TTC28: variants seen among roughly 807,000 people sequenced by gnomAD.
TTC28 encodes the protein tetratricopeptide repeat protein 28.
TTC28 carries 61 observed loss-of-function variants against 198.0 expected under a neutral mutation model. The ratio of observed to expected loss-of-function variants is 0.31; its 90% CI spans 0.25 to 0.38. TTC28 has a LOEUF of 0.38. Among genes scored for constraint, TTC28 ranks in the 10% least tolerant of loss-of-function variants. The pLI is 1.00. For synonymous variants in TTC28, 1,171 were observed against 1,297.8 expected (o/e 0.90, Z 2.10); for missense variants, 2,678 against 3,164.0 (o/e 0.85, Z 3.69).
chr22:28,396,675 C>T (rs954503663), intron 2 of TTC28, among the ~76,000 whole-genome samples: 1 of 152,156 alleles, frequency 6.6e-6, no homozygotes, highest in Admixed American at 6.5e-5. Flanking sequence ...CAAGTAAATG[C>T]TGTTTTCTTC....
At chr22:28,280,804 C>T (rs1255872031) in intron 5 of TTC28, among the ~76,000 whole-genome samples, 2 of 151,958 alleles carry the variant, frequency 1.3e-5, no homozygotes, top group Non-Finnish European at 2.9e-5. Flanking sequence ...CTTGGTTTTC[C>T]CTTATTTTTA....
intron 2 of TTC28, among the ~76,000 whole-genome samples, chr22:28,481,865 T>C (rs1378082818): frequency 2.6e-5 from 4 of 152,150 alleles, no homozygotes; most frequent in African/African-American, 4.8e-5. Flanking sequence ...TCAGCTGTGA[T>C]GTAGGATCCA....
chr22:28,306,672 A>G, intron 2 of TTC28, 29 bp from the exon 3 acceptor site: 1 of 1,549,774 alleles, frequency 6.5e-7, no homozygotes, highest in East Asian at 2.4e-5. Flanking sequence ...TAAGATATAT[A>G]ATGCCTGTGC....
intron 5 of TTC28, among the ~76,000 whole-genome samples, chr22:28,257,922 C>T (rs1384460313): frequency 1.3e-5 from 2 of 151,664 alleles, no homozygotes; most frequent in Non-Finnish European, 2.9e-5. Flanking sequence ...TGATTTTTAT[C>T]ACCACTGTCC....
At chr22:28,338,865 C>T (rs1426639271) in intron 2 of TTC28, among the ~76,000 whole-genome samples, 1 of 152,210 alleles carries the variant, frequency 6.6e-6, no homozygotes, top group African/African-American at 2.4e-5. Context: ...AAGCCTTCTT[C>T]TCTCAACTTG....
intron 5 of TTC28, among the ~76,000 whole-genome samples, chr22:28,266,591 ATC>A (rs1931698895): frequency 2.0e-5 from 3 of 152,136 alleles, no homozygotes; most frequent in Admixed American, 2.0e-4. Flanking sequence ...GACCAAGGTG[ATC>A]TGTTTCAGGA....
intron 5 of TTC28, among the ~76,000 whole-genome samples, chr22:28,201,192 C>A (rs938196668): frequency 1.3e-5 from 2 of 152,126 alleles, no homozygotes; most frequent in Admixed American, 1.3e-4. Context: ...TTCATTCATT[C>A]ATTCATTCAT....
intron 12 of TTC28, among the ~76,000 whole-genome samples, chr22:28,061,359 C>T (rs557971998): frequency 3.1e-3 from 477 of 152,180 alleles, no homozygotes; most frequent in Non-Finnish European, 5.1e-3. Context: ...AGGTCTAACA[C>T]TTAAGTCTTT....
Position 28,678,274 on chromosome 22 carries a change from G to T in TTC28, c.102+1348C>A, listed in dbSNP as rs1402500707. Among the ~76,000 whole-genome samples, 4 of 152,164 alleles carry T rather than the reference G, an allele frequency of 2.6e-5. No individual in the cohort carries two copies. The South Asian group carries it at 6.2e-4, about 24-fold the overall frequency. Reference sequence around the variant, plus strand: ...GTGTTATCCAGGCTGGAATGCAGTGGCACAACCTTGGCTCACTGCAACTTG... The same window carrying T: ...GTGTTATCCAGGCTGGAATGCAGTGTCACAACCTTGGCTCACTGCAACTTG... On this transcript the variant is annotated intron_variant, in intron 1 of 22. Transcript: ENST00000397906.
In TTC28 at chr22:28,005,142, G is replaced by A. The variant is rs1028857039; in HGVS notation, c.4219-3589C>T. 6.6e-5 allele frequency among the ~76,000 whole-genome samples: 10 copies of A among 152,296 alleles called. No individual in the cohort carries two copies. In the East Asian group the frequency reaches 7.7e-4, roughly 12 times the overall value. On this transcript the variant is annotated intron_variant, in intron 14 of 22. Transcript: ENST00000397906. This position sits in a 1 kb window ranked among gnomAD's most constrained non-coding sequence, Gnocchi z 4.9. ...AATCTGTCTCTTCCCCAGGGGTGCC[G>A]CCCTGCGCTCTCACCAAGGGGCTGT...
intron 5 of TTC28, among the ~76,000 whole-genome samples, chr22:28,255,332 C>G (rs564051371): frequency 6.6e-6 from 1 of 152,264 alleles, no homozygotes; most frequent in Admixed American, 6.5e-5. Context: ...TAAGATTACA[C>G]CTCTTGGCCC....
chr22:28,493,047 T>TTA (rs1219354269), intron 2 of TTC28, among the ~76,000 whole-genome samples: 2 of 66,368 alleles, frequency 3.0e-5, no homozygotes, highest in East Asian at 4.4e-4. Context: ...TTCACGATAC[T>TTA]AAAAAAAAAA....
At chr22:28,264,370 T>C (rs960011037) in intron 5 of TTC28, among the ~76,000 whole-genome samples, 3 of 152,270 alleles carry the variant, frequency 2.0e-5, no homozygotes, top group Middle Eastern at 3.4e-3. Context: ...TCCTTTTCTT[T>C]ATAAATTACC....
At chr22:28,045,715 G>A (rs1386965914) in intron 12 of TTC28, among the ~76,000 whole-genome samples, 1 of 152,168 alleles carries the variant, frequency 6.6e-6, no homozygotes, top group Admixed American at 6.5e-5. Context: ...TGTAATCCCA[G>A]CACTTTGGGA....
chr22:28,669,604 C>T (rs1374833709), intron 1 of TTC28, among the ~76,000 whole-genome samples: 2 of 152,120 alleles, frequency 1.3e-5, no homozygotes, highest in Non-Finnish European at 2.9e-5. Context: ...TTCCTCTGTC[C>T]TACAATTTGG....
At chr22:28,069,775 A>G (rs1194556495) in intron 12 of TTC28, among the ~76,000 whole-genome samples, 23 of 152,138 alleles carry the variant, frequency 1.5e-4, no homozygotes, top group Admixed American at 1.5e-3. Context: ...CTAACATTCA[A>G]AAACACCACA....
chr22:28,162,213 G>C (rs898702737), intron 6 of TTC28, among the ~76,000 whole-genome samples: 5 of 152,148 alleles, frequency 3.3e-5, no homozygotes, highest in African/African-American at 9.7e-5. Context: ...CCCAAATTAT[G>C]AATGTTTTAA....
chr22:28,168,775 G>A (rs1440307747), intron 5 of TTC28, among the ~76,000 whole-genome samples: 6 of 152,216 alleles, frequency 3.9e-5, no homozygotes, highest in Non-Finnish European at 5.9e-5. Flanking sequence ...AGGACTTCGT[G>A]TCTAAAACAC....
intron 2 of TTC28, among the ~76,000 whole-genome samples, chr22:28,528,619 C>T (rs1601518232): frequency 1.3e-5 from 2 of 150,746 alleles, no homozygotes; most frequent in East Asian, 1.9e-4. Context: ...ACTTGTAGTC[C>T]GAGCTACTCG....
Sources: allele counts gnomAD v4.1 joint callset (sites outside exome capture counted in the v4.1 genomes callset), GRCh38; gene constraint gnomAD v4.1.1; non-coding constraint Gnocchi (gnomAD v3.1); transcripts MANE v1.5; gene names NCBI Gene and HGNC (gene_info 2026-07-23, HGNC 2026-07-21).